FAM20A: variants seen among roughly 807,000 people sequenced by gnomAD.
FAM20A encodes FAM20A golgi associated secretory pathway pseudokinase, also known as pseudokinase FAM20A.
In FAM20A, 42 loss-of-function variants were observed where a neutral mutation model predicts 52.0. The observed-to-expected ratio is 0.81, with a 90% CI of 0.63 to 1.04. FAM20A has a LOEUF of 1.04. Ranked by LOEUF, FAM20A falls within the 50% of genes least tolerant of loss-of-function variation. The probability of loss-of-function intolerance (pLI) is 0.00; values close to 1 mark genes in which losing one functional copy is unlikely to be tolerated. For missense variants in FAM20A, 742 were observed against 712.7 expected (o/e 1.04, Z -0.47); for synonymous variants, 304 against 298.9 (o/e 1.02, Z -0.18).
rs200279474 is a variant in FAM20A at position 68,600,670 on chromosome 17, G to T, written c.-4C>A. On this transcript the variant is annotated 5_prime_UTR_variant, in exon 1 of 11. Transcript: ENST00000592554. This position sits in a 1 kb window ranked among gnomAD's most constrained non-coding sequence, Gnocchi z 6.2. Reference sequence around the variant, plus strand: ...GGTCCCGGCGCAGCCCCGGCATGGCGTGCTGGCCAAGGGGGACGCCGGGGG... The same window carrying T: ...GGTCCCGGCGCAGCCCCGGCATGGCTTGCTGGCCAAGGGGGACGCCGGGGG... The T allele has an allele frequency of 1.9e-5, 29 of 1,541,012 alleles. No individual in the cohort carries two copies. The East Asian group carries it at 5.7e-4, about 31-fold the overall frequency.
rs2086119870 is a variant in FAM20A at position 68,537,232 on chromosome 17, G to A, written c.*245C>T. On this transcript the variant is annotated 3_prime_UTR_variant, in exon 11 of 11. Coordinates refer to ENST00000592554, the MANE Select transcript of FAM20A (RefSeq NM_017565.4). The surrounding 1 kb of genome is among the most constrained non-coding windows in gnomAD (Gnocchi z 4.2). The stretch of plus-strand genomic sequence containing the variant: ...TCCCAGTGCACTCAGGAGATCGTCG[G>A]TGGCCTTGATGAAGCCAGTGCTTTT... 1.5e-6 allele frequency: 1 copy of A among 658,964 alleles called. No individual in the cohort carries two copies. The highest frequency in any genetic ancestry group is 2.8e-6 in the Non-Finnish European group (1 of 360,522). 40.8% of individuals were successfully genotyped at this position (658,964 alleles called of 1,614,324 possible). A position where few individuals can be genotyped will look rare whatever the true frequency, so the allele number is the denominator to read the frequency against.
At chr17:68,540,533 T>A in intron 8 of FAM20A, 1 of 496,002 alleles carries the variant, frequency 2.0e-6, no homozygotes, top group South Asian at 1.5e-5. Flanking sequence ...TTGTGTACTT[T>A]CTTCCCTTCC....
chr17:68,564,217 A>G (rs1454346955), intron 1 of FAM20A, among the ~76,000 whole-genome samples: 1 of 152,218 alleles, frequency 6.6e-6, no homozygotes, highest in African/African-American at 2.4e-5. Flanking sequence ...GTACAGGCTT[A>G]AAAAGTAGTT....
chr17:68,548,953 T>C (rs1175909434), intron 4 of FAM20A, among the ~76,000 whole-genome samples: 6 of 151,756 alleles, frequency 4.0e-5, no homozygotes, highest in Non-Finnish European at 7.4e-5. Flanking sequence ...AGGATGGTCT[T>C]GATCTCCTGA....
chr17:68,563,756 G>C (rs940561934), intron 1 of FAM20A, among the ~76,000 whole-genome samples: 1 of 152,084 alleles, frequency 6.6e-6, no homozygotes, highest in African/African-American at 2.4e-5. Flanking sequence ...TCTTTCTCTT[G>C]AGATGGTTCC....
intron 1 of FAM20A, among the ~76,000 whole-genome samples, chr17:68,593,984 G>A (rs189082716): frequency 4.5e-4 from 68 of 152,328 alleles, no homozygotes; most frequent in Middle Eastern, 3.4e-3. Flanking sequence ...TAGGGTGGTG[G>A]AGCTGGTGGT....
chr17:68,557,800 G>A lies in FAM20A; in HGVS notation c.405-2057C>T, dbSNP rs376159319. Among the ~76,000 whole-genome samples the A allele has an allele frequency of 7.9e-5, 12 of 152,236 alleles. No homozygotes were observed. The East Asian group carries it at 9.6e-4, about 12-fold the overall frequency. On this transcript the variant is annotated intron_variant, in intron 1 of 10. Transcript: ENST00000592554. ...TTCATGGCGTTTTCCTTGTATGAACGTAACCCAAGACTGAAAATCTTTGGG... is the reference window on the plus strand; with the variant it reads ...TTCATGGCGTTTTCCTTGTATGAACATAACCCAAGACTGAAAATCTTTGGG...
chr17:68,548,268 GC>G (rs2086659353), intron 4 of FAM20A, among the ~76,000 whole-genome samples: 1 of 151,946 alleles, frequency 6.6e-6, no homozygotes, highest in Admixed American at 6.6e-5. Context: ...GGTGGCACAC[GC>G]CTATAATCCC....
intron 1 of FAM20A, among the ~76,000 whole-genome samples, chr17:68,560,712 G>T (rs2087190457): frequency 6.6e-6 from 1 of 152,086 alleles, no homozygotes; most frequent in African/African-American, 2.4e-5. Context: ...TGTTGTTGAT[G>T]GGTCAGAGGG....
chr17:68,542,779 T>C lies in FAM20A; in HGVS notation c.843A>G (p.Thr281=), dbSNP rs763221264. The change falls in exon 6 of 11, where the codon ACA becomes ACG. Residue 281 remains threonine (T), a synonymous_variant. Transcript: ENST00000592554. The part of the protein sequence containing the change: ...RILDFRRVPP[T]VGRIVNVTKE... ...TGGTGACATTTACTATCCTCCCCACTGTTGGCGGCACCCGTCGGAAGTCCA... is the reference window on the plus strand; with the variant it reads ...TGGTGACATTTACTATCCTCCCCACCGTTGGCGGCACCCGTCGGAAGTCCA... 2.5e-6 allele frequency: 4 copies of C among 1,614,122 alleles called. No individual in the cohort carries two copies. Among genetic ancestry groups the C allele is most frequent in the Non-Finnish European group, 3.4e-6 (4 of 1,179,984 alleles).
At chr17:68,577,807 T>C (rs185064047) in intron 1 of FAM20A, among the ~76,000 whole-genome samples, 28 of 152,174 alleles carry the variant, frequency 1.8e-4, no homozygotes, top group Admixed American at 1.8e-3. Context: ...CTTAATTGTT[T>C]AAAAAAAGAA....
rs940007386 is a variant in FAM20A at position 68,537,980 on chromosome 17, C to T, written c.1362-239G>A. ...AAGAGCCTGCATAGCCATTTGTGCT[C>T]TAATAATGGTGATGCTGGGCTATAT... is the stretch of plus-strand genomic sequence containing the variant. On this transcript the variant is annotated intron_variant, in intron 10 of 10. Coordinates refer to ENST00000592554, the MANE Select transcript of FAM20A (RefSeq NM_017565.4). This position sits in a 1 kb window ranked among gnomAD's most constrained non-coding sequence, Gnocchi z 4.2. 6.6e-6 allele frequency among the ~76,000 whole-genome samples: 1 copy of T among 152,172 alleles called. No individual in the cohort carries two copies. Among genetic ancestry groups the T allele is most frequent in the African/African-American group, 2.4e-5 (1 of 41,438 alleles).
chr17:68,542,298 G>A, intron 6 of FAM20A, 133 bp from the exon 7 acceptor site: 2 of 1,018,012 alleles, frequency 2.0e-6, no homozygotes, highest in South Asian at 3.0e-5. Flanking sequence ...GAAGAAGAAG[G>A]AAACATTGAC....
rs200983670 is a variant in FAM20A, at chr17:68,540,974, A to C, written c.1110-16T>G. The stretch of plus-strand genomic sequence containing the variant: ...GACCTCCCACCTGAGGGGGAGAAGA[A>C]GTCCTGGGGCTGGAAAAGCCAAGAT... On this transcript the variant is annotated splice_polypyrimidine_tract_variant and intron_variant, in intron 7 of 10. Coordinates refer to ENST00000592554, the MANE Select transcript of FAM20A (RefSeq NM_017565.4). The C allele has an allele frequency of 4.5e-6, 7 of 1,568,464 alleles. No homozygotes were observed. Among genetic ancestry groups the C allele is most frequent in the East Asian group, 2.3e-5 (1 of 42,996 alleles).
chr17:68,579,883 A>G (rs1230137956), intron 1 of FAM20A, among the ~76,000 whole-genome samples: 2 of 152,168 alleles, frequency 1.3e-5, no homozygotes, highest in Non-Finnish European at 2.9e-5. Flanking sequence ...GACCCCAACT[A>G]ACTGCTGGGG....
intron 1 of FAM20A, among the ~76,000 whole-genome samples, chr17:68,560,178 C>T (rs1018253678): frequency 6.6e-6 from 1 of 151,978 alleles, no homozygotes; most frequent in Non-Finnish European, 1.5e-5. Context: ...ATGATCCACC[C>T]GCCTCGGCCT....
At chr17:68,597,272 G>A (rs1223911608) in intron 1 of FAM20A, among the ~76,000 whole-genome samples, 1 of 151,624 alleles carries the variant, frequency 6.6e-6, no homozygotes, top group East Asian at 1.9e-4. Context: ...GGCAAGTGGC[G>A]AAGAACACTG....
chr17:68,548,462 A>G (rs12952837), intron 4 of FAM20A, among the ~76,000 whole-genome samples: 29,943 of 151,802 alleles, frequency 0.2, 3,119 homozygotes, highest in African/African-American at 0.26. Flanking sequence ...CCCAGGAGGC[A>G]GAGGTTGCAG....
Position 68,554,768 on chromosome 17 carries a change from G to A in FAM20A, c.640+9C>T, listed in dbSNP as rs1391104886. On this transcript the variant is annotated intron_variant, in intron 3 of 10. Coordinates refer to ENST00000592554, the MANE Select transcript of FAM20A (RefSeq NM_017565.4). ...AGAGGCTGGGTGGGGGTGGGGCTAG[G>A]TCACTTACTCTGGGTGCAGTCACAT... is the stretch of plus-strand genomic sequence containing the variant. 5 of 1,613,658 alleles carry A rather than the reference G, an allele frequency of 3.1e-6. No individual in the cohort carries two copies. In the African/African-American group the frequency reaches 5.3e-5, roughly 17 times the overall value.
Sources: gnomAD v4.1 joint callset for allele counts (sites outside exome capture counted in the v4.1 genomes callset) on GRCh38, gnomAD v4.1.1 for gene constraint, Gnocchi (gnomAD v3.1) non-coding constraint, MANE v1.5 for transcripts, NCBI Gene and HGNC (gene_info 2026-07-23, HGNC 2026-07-21) for gene names.